SBNO2: variants seen among roughly 807,000 people sequenced by gnomAD.
The protein encoded by SBNO2 is strawberry notch homolog 2.
SBNO2 carries 89 observed loss-of-function variants against 146.3 expected under a neutral mutation model. That is an observed-to-expected ratio of 0.61 (90% CI 0.51 to 0.73). SBNO2 has a LOEUF of 0.73. SBNO2 is among the 30% of genes least tolerant of loss of function. The pLI is 0.00. For synonymous variants in SBNO2, 1,147 were observed against 892.6 expected, an observed-to-expected ratio of 1.29 and a Z score of -5.08; for missense variants, 2,092 against 2,003.7, an observed-to-expected ratio of 1.04 and a Z score of -0.84.
intron 1 of SBNO2, among the ~76,000 whole-genome samples, chr19:1,166,007 AGATC>A (rs2080416539): frequency 2.0e-5 from 1 of 49,098 alleles, no homozygotes; most frequent in Non-Finnish European, 4.1e-5. Flanking sequence ...CCCAGATCCT[AGATC>A]CCAGACCTCA....
rs1197240480 is a variant in SBNO2 at position 1,132,187 on chromosome 19, G to A, written c.280-4422C>T. ...CCCCCAGGAAGCGCTGCCCGGGAGC[G>A]GCTCCCTCATGACCGCGGCAGCAGC... On this transcript the variant is annotated intron_variant, in intron 4 of 31. Coordinates refer to ENST00000361757, the MANE Select transcript of SBNO2 (RefSeq NM_014963.3). 1.3e-5 allele frequency: 18 copies of A among 1,400,212 alleles called. No individual in the cohort carries two copies. In the Middle Eastern group the frequency reaches 5.7e-4, roughly 44 times the overall value. The allele number at this position is 1,400,212 out of a possible 1,614,324, so 86.7% of individuals were successfully genotyped here.
At position 1,147,290 on chromosome 19, in the gene SBNO2, G is replaced by A. The variant is rs558289723; in HGVS notation, c.279+19C>T. The A allele has an allele frequency of 1.3e-6, 2 of 1,536,110 alleles. No individual in the cohort carries two copies. The highest frequency in any genetic ancestry group is 8.9e-7 in the Non-Finnish European group (1 of 1,125,508). On this transcript the variant is annotated intron_variant, in intron 4 of 31. Transcript: ENST00000361757. The stretch of plus-strand genomic sequence containing the variant: ...TCCACCCTGCCCCCCACGGCGCGGT[G>A]AGCTCCTGGGGCTCCTACCTGAGCA...
chr19:1,170,006 G>A (rs1432675921), intron 1 of SBNO2, among the ~76,000 whole-genome samples: 1 of 151,940 alleles, frequency 6.6e-6, no homozygotes, highest in African/African-American at 2.4e-5. Context: ...GTGACCACAC[G>A]TCTACCCCCC....
intron 4 of SBNO2, chr19:1,131,987 G>C: frequency 1.2e-6 from 1 of 818,000 alleles, no homozygotes; most frequent in South Asian, 2.0e-5. Context: ...TCTAGGATGA[G>C]ATGCCGGCTG....
Position 1,127,906 on chromosome 19 carries a change from C to T in SBNO2, c.280-141G>A, listed in dbSNP as rs929912205. 9 of 726,178 alleles carry T rather than the reference C, an allele frequency of 1.2e-5. No individual in the cohort carries two copies. The Admixed American group carries it at 2.3e-4, about 18-fold the overall frequency. The allele number at this position is 726,178 out of a possible 1,614,324, so 45.0% of individuals were successfully genotyped here. ...GGAATGGGAGACACCACGGCCCTCC[C>T]AGGTTCAAGCAATTCTCCTGCCTCA... On this transcript the variant is annotated intron_variant, in intron 4 of 31. Transcript: ENST00000361757.
chr19:1,157,408 G>GGCCCCAAAGACGCTCTCCCCACGCA lies in SBNO2; in HGVS notation c.-126-3007_-126-3006insTGCGTGGGGAGAGCGTCTTTGGGGC, dbSNP rs1229592267. On this transcript the variant is annotated intron_variant, in intron 1 of 31. Transcript: ENST00000361757. The surrounding 1 kb of genome is among the most constrained non-coding windows in gnomAD (Gnocchi z 6.8). The stretch of plus-strand genomic sequence containing the variant: ...AGCCCCGGAGACGCTCTCCCCACGC[G>GGCCCCAAAGACGCTCTCCCCACGCA]GCCCCGGAGACCCTCTCCCCACGCG... 5.0e-4 allele frequency among the ~76,000 whole-genome samples: 74 copies of GGCCCCAAAGACGCTCTCCCCACGCA among 147,276 alleles called. 2 individuals carry two copies. The East Asian group carries it at 0.012, about 24-fold the overall frequency.
At position 1,113,630 on chromosome 19, in the gene SBNO2, G is replaced by A; in HGVS notation, c.2152C>T (p.Leu718=). 6.2e-7 allele frequency: 1 copy of A among 1,600,038 alleles called. No homozygotes were observed. The highest frequency in any genetic ancestry group is 1.1e-5 in the South Asian group (1 of 89,984). ...CCCAGCCGCCGCACTTTGTCCAGCAGATCCTGCTTCAGCCGCTCCACCCGC... is the reference window on the plus strand; with the variant it reads ...CCCAGCCGCCGCACTTTGTCCAGCAAATCCTGCTTCAGCCGCTCCACCCGC... ...LERVERLKQD[L]LDKVRRLGRE... is the part of the protein sequence containing the mutation. Residue 718 remains leucine (L), a synonymous_variant, in exon 19 of 32, where the codon CTG becomes TTG. Coordinates refer to ENST00000361757, the MANE Select transcript of SBNO2 (RefSeq NM_014963.3).
intron 31 of SBNO2, 24 bp downstream of exon 31, chr19:1,108,755 C>A (rs564379739): frequency 6.3e-7 from 1 of 1,594,950 alleles, no homozygotes; most frequent in African/African-American, 1.3e-5. Flanking sequence ...TCGGGCCTTC[C>A]CGGGGCGCCC....
rs2080128520 is a variant in SBNO2 at position 1,140,827 on chromosome 19, G to C, written c.279+6482C>G. On this transcript the variant is annotated intron_variant, in intron 4 of 31. Coordinates refer to ENST00000361757, the MANE Select transcript of SBNO2 (RefSeq NM_014963.3). The surrounding 1 kb of genome is among the most constrained non-coding windows in gnomAD (Gnocchi z 4.4). ...GGCTGAGAGAAACAGGAAATGGATG[G>C]TGAAGGAACCCCGTCCCCGCCAAGC... is the stretch of plus-strand genomic sequence containing the variant. 6.6e-6 allele frequency among the ~76,000 whole-genome samples: 1 copy of C among 152,180 alleles called. No individual in the cohort carries two copies. The highest frequency in any genetic ancestry group is 2.4e-5 in the African/African-American group (1 of 41,522).
intron 19 of SBNO2, among the ~76,000 whole-genome samples, chr19:1,113,272 T>A (rs1023977538): frequency 1.3e-5 from 2 of 151,948 alleles, no homozygotes; most frequent in African/African-American, 4.8e-5. Flanking sequence ...CAGGCAACGA[T>A]CTAAGCAGAG....
At chr19:1,124,266 C>A (rs2079939857) in intron 5 of SBNO2, among the ~76,000 whole-genome samples, 1 of 152,218 alleles carries the variant, frequency 6.6e-6, no homozygotes, top group Non-Finnish European at 1.5e-5. Context: ...CACCTGGCTG[C>A]CTTCTCACTG....
chr19:1,108,994 G>C (rs1284584378), intron 30 of SBNO2, 25 bp from the exon 31 acceptor site: 11 of 1,495,830 alleles, frequency 7.4e-6, no homozygotes, highest in Non-Finnish European at 8.0e-6. Context: ...GGTCGTCTCG[G>C]CTCAGGCGGG....
At chr19:1,168,138 C>G (rs1286322297) in intron 1 of SBNO2, among the ~76,000 whole-genome samples, 2 of 152,108 alleles carry the variant, frequency 1.3e-5, no homozygotes, top group Non-Finnish European at 2.9e-5. Context: ...TTGAGGGTGG[C>G]AGCCCCTGGT....
intron 2 of SBNO2, among the ~76,000 whole-genome samples, chr19:1,153,147 G>A (rs938361537): frequency 2.7e-5 from 4 of 150,866 alleles, no homozygotes; most frequent in African/African-American, 4.9e-5. Context: ...GAGTGAAACC[G>A]TGTTTTAAAA....
Position 1,136,148 on chromosome 19 carries a change from G to T in SBNO2, c.280-8383C>A, listed in dbSNP as rs890196968. 1.8e-4 allele frequency among the ~76,000 whole-genome samples: 28 copies of T among 152,306 alleles called. No individual in the cohort carries two copies. The highest frequency in any genetic ancestry group is 6.7e-4 in the African/African-American group (28 of 41,572). On this transcript the variant is annotated intron_variant, in intron 4 of 31. Coordinates refer to ENST00000361757, the MANE Select transcript of SBNO2 (RefSeq NM_014963.3). The surrounding 1 kb of genome is among the most constrained non-coding windows in gnomAD (Gnocchi z 4.2). ...ATCCCAGCCCTGCGGCCACAGCCAG[G>T]GGATGCCCGGATCCCCCAGATGCTG...
chr19:1,117,984 C>G (rs531575453), intron 14 of SBNO2, among the ~76,000 whole-genome samples: 104 of 152,312 alleles, frequency 6.8e-4, no homozygotes, highest in Non-Finnish European at 1.4e-3. Context: ...ACGGCCCCAC[C>G]CCGGAGAGCA....
chr19:1,128,330 G>A (rs1368449070), intron 4 of SBNO2: 3 of 368,608 alleles, frequency 8.1e-6, no homozygotes, highest in Non-Finnish European at 5.3e-6. Flanking sequence ...CCCAGAGGTG[G>A]GGCTCGCCAT....
At chr19:1,164,488 CA>C (rs147815918) in intron 1 of SBNO2, among the ~76,000 whole-genome samples, 85 of 10,098 alleles carry the variant, frequency 8.4e-3, no homozygotes, top group African/African-American at 9.8e-3. Context: ...TCCCAGATGC[CA>C]GGGGCAGTGG....
At chr19:1,130,410 T>C (rs773969816) in intron 4 of SBNO2, among the ~76,000 whole-genome samples, 1 of 152,102 alleles carries the variant, frequency 6.6e-6, no homozygotes, top group Admixed American at 6.5e-5. Flanking sequence ...GAGGATCCGT[T>C]GAGCCCAGGT....
Sources: gnomAD v4.1 joint callset for allele counts (sites outside exome capture counted in the v4.1 genomes callset) on GRCh38, gnomAD v4.1.1 for gene constraint, Gnocchi (gnomAD v3.1) non-coding constraint, MANE v1.5 for transcripts, NCBI Gene and HGNC (gene_info 2026-07-23, HGNC 2026-07-21) for gene names.